Variants in PXK observed in about 807,000 individuals in gnomAD.
PXK encodes PX domain containing serine/threonine kinase like, also known as PX domain-containing protein kinase-like protein.
Under a neutral mutation model 84.7 loss-of-function variants are expected in PXK, and 35 were observed. The observed-to-expected ratio is 0.41, with a 90% CI of 0.32 to 0.55. The LOEUF (loss-of-function observed/expected upper bound fraction) is 0.55, where lower values mean the gene tolerates loss of function less well. PXK is among the 20% of genes least tolerant of loss of function. The pLI is 0.21. For synonymous variants in PXK, 253 were observed against 260.8 expected, an observed-to-expected ratio of 0.97 and a Z score of 0.29; for missense variants, 634 against 699.7, an observed-to-expected ratio of 0.91 and a Z score of 1.06.
intron 2 of PXK, among the ~76,000 whole-genome samples, chr3:58,369,150 G>C (rs1383401749): frequency 6.6e-6 from 1 of 152,176 alleles, no homozygotes; most frequent in African/African-American, 2.4e-5. Flanking sequence ...TTGAAGGGCT[G>C]TTTGCCCTGA....
rs1367355692 is a variant in PXK, at chr3:58,398,798, T to C, written c.1103-501T>C. On this transcript the variant is annotated intron_variant, in intron 11 of 17. Transcript: ENST00000356151. The surrounding 1 kb of genome is among the most constrained non-coding windows in gnomAD (Gnocchi z 4.5). ...CAAGAGAACAGGCCCTGGGACTATA[T>C]TGTGTTGAATTTGAACCGCTGAAAC... Among the ~76,000 whole-genome samples, 1 of 152,106 alleles carries C rather than the reference T, an allele frequency of 6.6e-6. No individual in the cohort carries two copies. Among genetic ancestry groups the C allele is most frequent in the Non-Finnish European group, 1.5e-5 (1 of 68,016 alleles).
chr3:58,399,262 T>A lies in PXK; in HGVS notation c.1103-37T>A. 3 of 1,586,026 alleles carry A rather than the reference T, an allele frequency of 1.9e-6. No homozygotes were observed. The Admixed American group carries it at 5.0e-5, about 26-fold the overall frequency. ...ATCAGCAAGTGGATTTGCCAGCGTG[T>A]TCTGTGGAACTAAAATGTGTATCTG... On this transcript the variant is annotated intron_variant, in intron 11 of 17. Coordinates refer to ENST00000356151, the MANE Select transcript of PXK (RefSeq NM_017771.5). The surrounding 1 kb of genome is among the most constrained non-coding windows in gnomAD (Gnocchi z 4.3).
chr3:58,422,011 GCAGCAGGCAGTTGTTCCCAGGTTTGT>G, intron 17 of PXK: 2 of 985,352 alleles, frequency 2.0e-6, no homozygotes, highest in Non-Finnish European at 2.4e-6. Context: ...GAGCGCGCAG[GCAGCAGGCAGTTGTTCCCAGGTTTGT>G]CACAGGCCAA....
In PXK at chr3:58,378,143, T is replaced by C. The variant is rs146105313; in HGVS notation, c.202-4371T>C. Among the ~76,000 whole-genome samples, 6 of 152,284 alleles carry C rather than the reference T, an allele frequency of 3.9e-5. No individual in the cohort carries two copies. In the South Asian group the frequency reaches 6.2e-4, roughly 16 times the overall value. ...TTTGAAAACATGTACGTACTATACG[T>C]GAGGACCCCACTCCCTCCCTAGCTT... On this transcript the variant is annotated intron_variant, in intron 3 of 17. Coordinates refer to ENST00000356151, the MANE Select transcript of PXK (RefSeq NM_017771.5).
In PXK at chr3:58,383,569, C is replaced by G. The variant is rs1295241702; in HGVS notation, c.388+869C>G. Among the ~76,000 whole-genome samples, 1 of 152,198 alleles carries G rather than the reference C, an allele frequency of 6.6e-6. No homozygotes were observed. The highest frequency in any genetic ancestry group is 2.4e-5 in the African/African-American group (1 of 41,456). On this transcript the variant is annotated intron_variant, in intron 4 of 17. Transcript: ENST00000356151. The surrounding 1 kb of genome is among the most constrained non-coding windows in gnomAD (Gnocchi z 4.0). ...GGAGGTCATTCTCTTCCAAATCTTT[C>G]CTGGATCAGGGCAGCCGCCAAGGTA...
At chr3:58,423,362 T>C (rs1179692964) in intron 17 of PXK, 5 of 1,480,570 alleles carry the variant, frequency 3.4e-6, no homozygotes, top group Non-Finnish European at 3.6e-6. Flanking sequence ...AACATGTTGG[T>C]CATTTGTCTG....
At chr3:58,391,750 G>C (rs746323518) in intron 6 of PXK, 23 bp from the exon 7 acceptor site, 24 of 1,598,644 alleles carry the variant, frequency 1.5e-5, no homozygotes, top group Admixed American at 1.2e-4. Flanking sequence ...ACAGTACCCT[G>C]ATATTCCCTT....
chr3:58,345,459 G>A (rs2176082), intron 1 of PXK, among the ~76,000 whole-genome samples: 54,057 of 152,000 alleles, frequency 0.36, 10,592 homozygotes, highest in African/African-American at 0.52. Flanking sequence ...AAGGCCCTGA[G>A]AAACAGCATC....
chr3:58,422,593 T>C, intron 17 of PXK: 1 of 985,476 alleles, frequency 1.0e-6, no homozygotes, highest in Non-Finnish European at 1.2e-6. Context: ...AAAATCCATG[T>C]ACTGAACCCC....
intron 17 of PXK, among the ~76,000 whole-genome samples, chr3:58,417,976 C>G (rs768592986): frequency 6.6e-6 from 1 of 152,030 alleles, no homozygotes; most frequent in Non-Finnish European, 1.5e-5. Context: ...GCACCACCAC[C>G]CTTGGCTAAT....
chr3:58,395,259 T>C (rs2057463035), intron 8 of PXK, among the ~76,000 whole-genome samples, 157 bp downstream of exon 8: 1 of 152,266 alleles, frequency 6.6e-6, no homozygotes, highest in Admixed American at 6.5e-5. Flanking sequence ...ATAAAAACTC[T>C]ACTTAGTTTG....
At chr3:58,347,087 T>C (rs1445095884) in intron 1 of PXK, among the ~76,000 whole-genome samples, 1 of 152,148 alleles carries the variant, frequency 6.6e-6, no homozygotes, top group Non-Finnish European at 1.5e-5. Context: ...GTGATCCACC[T>C]GCCTCGGCTT....
Position 58,370,882 on chromosome 3 carries a change from C to T in PXK, c.201+1404C>T, listed in dbSNP as rs1385767498. Among the ~76,000 whole-genome samples the T allele has an allele frequency of 2.0e-5, 3 of 152,128 alleles. No individual in the cohort carries two copies. The highest frequency in any genetic ancestry group is 7.2e-5 in the African/African-American group (3 of 41,420). Reference sequence around the variant, plus strand: ...GGTGTGGTGTGGGCGCCTGTAATCCCAGCTACTCAGGGGGCTGAGGCAGGA... The same window carrying T: ...GGTGTGGTGTGGGCGCCTGTAATCCTAGCTACTCAGGGGGCTGAGGCAGGA... On this transcript the variant is annotated intron_variant, in intron 3 of 17. Coordinates refer to ENST00000356151, the MANE Select transcript of PXK (RefSeq NM_017771.5). The surrounding 1 kb of genome is among the most constrained non-coding windows in gnomAD (Gnocchi z 4.2).
At position 58,416,690 on chromosome 3, in the gene PXK, G is replaced by A. The variant is rs1410572578; in HGVS notation, c.1528+3727G>A. Among the ~76,000 whole-genome samples, 1 of 151,326 alleles carries A rather than the reference G, an allele frequency of 6.6e-6. No homozygotes were observed. The highest frequency in any genetic ancestry group is 2.4e-5 in the African/African-American group (1 of 41,084). On this transcript the variant is annotated intron_variant, in intron 17 of 17. Transcript: ENST00000356151. This position sits in a 1 kb window ranked among gnomAD's most constrained non-coding sequence, Gnocchi z 4.8. ...GGCTGGAATACAGTCGTGAGATCTC[G>A]GCTCACTGCAACTTCCGCCTCCTGG... is the stretch of plus-strand genomic sequence containing the variant.
rs1484472314 is a variant in PXK at position 58,414,413 on chromosome 3, A to G, written c.1528+1450A>G. On this transcript the variant is annotated intron_variant, in intron 17 of 17. Transcript: ENST00000356151. This position sits in a 1 kb window ranked among gnomAD's most constrained non-coding sequence, Gnocchi z 4.5. ...CTCTAAATGCCTTTGGGAATTTACA[A>G]TTTATTTGGACTTTTGGGGGGAATT... The G allele has an allele frequency of 6.6e-6, 1 of 152,196 alleles. No homozygotes were observed. The highest frequency in any genetic ancestry group is 1.5e-5 in the Non-Finnish European group (1 of 68,040). The allele number at this position is 152,196 out of a possible 1,614,324, so 9.4% of individuals were successfully genotyped here.
chr3:58,422,212 G>A (rs912181641), intron 17 of PXK: 8 of 985,280 alleles, frequency 8.1e-6, no homozygotes, highest in African/African-American at 5.2e-5. Flanking sequence ...GAGTGAGACC[G>A]AGTCCCAGGT....
At position 58,399,735 on chromosome 3, in the gene PXK, G is replaced by A. The variant is rs1420656840; in HGVS notation, c.1181+358G>A. Among the ~76,000 whole-genome samples, 1 of 152,080 alleles carries A rather than the reference G, an allele frequency of 6.6e-6. No homozygotes were observed. The highest frequency in any genetic ancestry group is 1.5e-5 in the Non-Finnish European group (1 of 68,032). ...GTGGCTCCTTTCTGACCCTGCATCA[G>A]CAAACCAGTTGGCCCCCAGCTGTGC... On this transcript the variant is annotated intron_variant, in intron 12 of 17. Transcript: ENST00000356151. The surrounding 1 kb of genome is among the most constrained non-coding windows in gnomAD (Gnocchi z 4.3).
In PXK at chr3:58,333,984, T is replaced by C. The variant is rs2107572733; in HGVS notation, c.102+894T>C. Among the ~76,000 whole-genome samples the C allele has an allele frequency of 6.6e-6, 1 of 152,170 alleles. No homozygotes were observed. The highest frequency in any genetic ancestry group is 2.1e-4 in the South Asian group (1 of 4,828). ...AGCTAGTGGGACTTTTTTGGAAAAG[T>C]AATGAGTGAGGAGAGAGATTCCTTC... On this transcript the variant is annotated intron_variant, in intron 1 of 17. Transcript: ENST00000356151. This position sits in a 1 kb window ranked among gnomAD's most constrained non-coding sequence, Gnocchi z 5.4.
intron 1 of PXK, among the ~76,000 whole-genome samples, chr3:58,355,395 G>C (rs1392256246): frequency 6.6e-6 from 1 of 152,324 alleles, no homozygotes; most frequent in Middle Eastern, 3.4e-3. Context: ...TGTGCCGAAA[G>C]GGAAGAGAGA....
Sources: gnomAD v4.1 joint callset for allele counts (sites outside exome capture counted in the v4.1 genomes callset) on GRCh38, gnomAD v4.1.1 for gene constraint, Gnocchi (gnomAD v3.1) non-coding constraint, MANE v1.5 for transcripts, NCBI Gene and HGNC (gene_info 2026-07-23, HGNC 2026-07-21) for gene names.